Variants in DPP6 observed in about 807,000 individuals in gnomAD.
DPP6 encodes the protein A-type potassium channel modulatory protein DPP6.
In DPP6, 69 loss-of-function variants were observed where a neutral mutation model predicts 122.6. That is an observed-to-expected ratio of 0.56 (90% CI 0.46 to 0.69). The LOEUF is 0.69. Ranked by LOEUF, DPP6 falls within the 30% of genes least tolerant of loss-of-function variation. DPP6 has a pLI of 0.00. For synonymous variants in DPP6, 418 were observed against 433.1 expected, an observed-to-expected ratio of 0.97 and a Z score of 0.43; for missense variants, 928 against 1,116.9, an observed-to-expected ratio of 0.83 and a Z score of 2.41.
intron 16 of DPP6, 126 bp downstream of exon 16, chr7:154,807,238 A>G: frequency 1.5e-6 from 2 of 1,362,552 alleles, no homozygotes; most frequent in South Asian, 2.9e-5. Context: ...AGAACAGGTG[A>G]GGATCCCGCC....
intron 2 of DPP6, among the ~76,000 whole-genome samples, chr7:154,471,707 C>G (rs1440646930): frequency 6.6e-6 from 1 of 151,932 alleles, no homozygotes; most frequent in African/African-American, 2.4e-5. Flanking sequence ...AGAAAACATC[C>G]CCCCATAAAG....
intron 1 of DPP6, among the ~76,000 whole-genome samples, chr7:154,419,848 C>T (rs75986718): frequency 6.6e-6 from 1 of 152,168 alleles, no homozygotes; most frequent in East Asian, 1.9e-4. Flanking sequence ...CAGGGTGTTT[C>T]CAAAATAAGT....
At chr7:154,504,543 A>T (rs2129675577) in intron 3 of DPP6, among the ~76,000 whole-genome samples, 1 of 152,308 alleles carries the variant, frequency 6.6e-6, no homozygotes, top group Middle Eastern at 3.4e-3. Context: ...TGTGAGTACA[A>T]GAATAGATAA....
At chr7:154,718,860 A>G (rs7798711) in intron 7 of DPP6, among the ~76,000 whole-genome samples, 144,980 of 151,952 alleles carry the variant, frequency 0.95, 69,354 homozygotes, top group Non-Finnish European at 0.99. Flanking sequence ...GGCTGGTCTC[A>G]AACTTCTGAC....
intron 1 of DPP6, among the ~76,000 whole-genome samples, chr7:153,995,037 A>G (rs535471120): frequency 6.6e-6 from 1 of 152,348 alleles, no homozygotes; most frequent in Admixed American, 6.5e-5. Context: ...TAAATAATTG[A>G]GGGACCAGCC....
At position 154,892,794 on chromosome 7, in the gene DPP6, C is replaced by T. The variant is rs1310610508; in HGVS notation, c.*314C>T. ...CAAAGGATGGTGGCCGCAGGCCCCA[C>T]GCGAGCCCACAGGACACCGGCCCCT... On this transcript the variant is annotated 3_prime_UTR_variant, in exon 26 of 26. Transcript: ENST00000377770. 2 of 589,162 alleles carry T rather than the reference C, an allele frequency of 3.4e-6. No homozygotes were observed. Among genetic ancestry groups the T allele is most frequent in the South Asian group, 2.8e-5 (2 of 72,274 alleles). The allele number at this position is 589,162 out of a possible 1,614,324, so 36.5% of individuals were successfully genotyped here.
intron 2 of DPP6, among the ~76,000 whole-genome samples, chr7:154,473,925 T>C (rs1043671005): frequency 6.6e-6 from 1 of 152,158 alleles, no homozygotes; most frequent in African/African-American, 2.4e-5. Context: ...ACTGTTGAAA[T>C]GAGAAAACTG....
At chr7:153,825,794 C>G in the DPP6 span, among the ~76,000 whole-genome samples, 1 of 152,114 alleles carries the variant, frequency 6.6e-6, no homozygotes, top group African/African-American at 2.4e-5. Flanking sequence ...CTCCTGAGCT[C>G]AGGCAGTCTG....
At chr7:153,824,667 A>C in the DPP6 span, among the ~76,000 whole-genome samples, 6 of 140,610 alleles carry the variant, frequency 4.3e-5, no homozygotes, top group South Asian at 7.0e-4. Flanking sequence ...CTGGGTAACA[A>C]GAGTAAAACT....
intron 7 of DPP6, among the ~76,000 whole-genome samples, chr7:154,716,199 C>T (rs774425719): frequency 9.3e-4 from 141 of 152,274 alleles, no homozygotes; most frequent in Non-Finnish European, 1.8e-3. Context: ...GATTTTCTGG[C>T]TCTTCTATGA....
At chr7:153,843,195 TACACACACGTGC>T in the DPP6 span, among the ~76,000 whole-genome samples, 1 of 150,116 alleles carries the variant, frequency 6.7e-6, no homozygotes, top group Non-Finnish European at 1.5e-5. Flanking sequence ...CACGCGTGCA[TACACACACGTGC>T]ACACACACAA....
At position 154,624,848 on chromosome 7, in the gene DPP6, G is replaced by T. The variant is rs557158237; in HGVS notation, c.628-12973G>T. 6.6e-6 allele frequency among the ~76,000 whole-genome samples: 1 copy of T among 152,148 alleles called. No homozygotes were observed. Among genetic ancestry groups the T allele is most frequent in the Non-Finnish European group, 1.5e-5 (1 of 68,032 alleles). On this transcript the variant is annotated intron_variant, in intron 5 of 25. Coordinates refer to ENST00000377770, the MANE Select transcript of DPP6 (RefSeq NM_130797.4). This position sits in a 1 kb window ranked among gnomAD's most constrained non-coding sequence, Gnocchi z 4.7. ...ATGCTAACAGAAGCAGGCACACAGC[G>T]GCCCCGTCTTCCTCCCATCTGTGAG...
chr7:154,215,551 G>C (rs1330015635), intron 1 of DPP6, among the ~76,000 whole-genome samples: 1 of 152,132 alleles, frequency 6.6e-6, no homozygotes, highest in South Asian at 2.1e-4. Context: ...CACACTCAAA[G>C]GGAAGAGATA....
intron 8 of DPP6, among the ~76,000 whole-genome samples, chr7:154,765,000 TC>T (rs1372632643): frequency 6.6e-6 from 1 of 152,060 alleles, no homozygotes; most frequent in Non-Finnish European, 1.5e-5. Context: ...CTCCCACTAG[TC>T]CCCACCTCCC....
chr7:154,150,903 C>T (rs954491774), intron 1 of DPP6, among the ~76,000 whole-genome samples: 8 of 152,230 alleles, frequency 5.3e-5, no homozygotes, highest in Non-Finnish European at 7.3e-5. Context: ...CCCCACTCTC[C>T]TCTTAAAGGC....
intron 7 of DPP6, among the ~76,000 whole-genome samples, chr7:154,672,081 T>C (rs573626916): frequency 3.6e-4 from 55 of 152,132 alleles, no homozygotes; most frequent in Non-Finnish European, 7.1e-4. Context: ...ATGGAGATAA[T>C]TGAATCATGG....
Position 154,894,157 on chromosome 7 carries a change from C to T in DPP6, c.*1677C>T, listed in dbSNP as rs1335471656. 1 of 152,246 alleles carries T rather than the reference C, an allele frequency of 6.6e-6. No individual in the cohort carries two copies. Among genetic ancestry groups the T allele is most frequent in the Non-Finnish European group, 1.5e-5 (1 of 68,066 alleles). The allele number at this position is 152,246 out of a possible 1,614,324, so 9.4% of individuals were successfully genotyped here. On this transcript the variant is annotated 3_prime_UTR_variant, in exon 26 of 26. Coordinates refer to ENST00000377770, the MANE Select transcript of DPP6 (RefSeq NM_130797.4). Reference sequence around the variant, plus strand: ...CTGTGCGTTTGCTATTTCAATGGGCCTGAACGACTACAAAGCCAGCTAGGT... The same window carrying T: ...CTGTGCGTTTGCTATTTCAATGGGCTTGAACGACTACAAAGCCAGCTAGGT...
At position 154,605,239 on chromosome 7, in the gene DPP6, C is replaced by T. The variant is rs1833551350; in HGVS notation, c.628-32582C>T. ...CAACCTTGATTATATTCCTAAAATA[C>T]ACCTTATTTAAATATGTTATTCTTT... is the stretch of plus-strand genomic sequence containing the variant. On this transcript the variant is annotated intron_variant, in intron 5 of 25. Coordinates refer to ENST00000377770, the MANE Select transcript of DPP6 (RefSeq NM_130797.4). Among the ~76,000 whole-genome samples, 2 of 119,552 alleles carry T rather than the reference C, an allele frequency of 1.7e-5. 1 individual carries two copies. Among genetic ancestry groups the T allele is most frequent in the Non-Finnish European group, 3.8e-5 (2 of 53,128 alleles). The allele number at this position is 119,552 out of a possible 152,430, so 78.4% of individuals were successfully genotyped here.
intron 16 of DPP6, among the ~76,000 whole-genome samples, chr7:154,820,293 C>T (rs1345219374): frequency 6.6e-6 from 1 of 152,164 alleles, no homozygotes; most frequent in Non-Finnish European, 1.5e-5. Context: ...CTGCTGCAGC[C>T]AGACCGACTG....
Sources: gnomAD v4.1 joint callset for allele counts (sites outside exome capture counted in the v4.1 genomes callset) on GRCh38, gnomAD v4.1.1 for gene constraint, Gnocchi (gnomAD v3.1) non-coding constraint, MANE v1.5 for transcripts, NCBI Gene and HGNC (gene_info 2026-07-23, HGNC 2026-07-21) for gene names.